Variants in ATP10A observed in about 807,000 individuals in gnomAD.
ATP10A encodes ATPase phospholipid transporting 10A (putative).
A neutral mutation model predicts 147.8 loss-of-function variants in ATP10A; 111 were observed. That is an observed-to-expected ratio of 0.75 (90% confidence interval 0.64 to 0.88). ATP10A has a LOEUF of 0.88. ATP10A is among the 40% of genes least tolerant of loss of function. The probability of loss-of-function intolerance (pLI) is 0.00; values close to 1 mark genes in which losing one functional copy is unlikely to be tolerated. For missense variants in ATP10A, 1,927 were observed against 1,959.0 expected (o/e 0.98, Z 0.31); for synonymous variants, 875 against 841.6 (o/e 1.04, Z -0.69).
chr15:25,709,686 AGGGAGCACCTGGCCCT>A, intron 10 of ATP10A: 1 of 152,456 alleles, frequency 6.6e-6, no homozygotes, highest in South Asian at 2.1e-4. Flanking sequence ...GCCTAGTGAC[AGGGAGCACCTGGCCCT>A]GCCAGGCAGA....
chr15:25,753,477 T>C (rs568629206), intron 2 of ATP10A, among the ~76,000 whole-genome samples: 4 of 152,098 alleles, frequency 2.6e-5, no homozygotes, highest in Non-Finnish European at 5.9e-5. Context: ...GTTTTCTTTA[T>C]TCATTCATCT....
intron 3 of ATP10A, among the ~76,000 whole-genome samples, chr15:25,729,459 C>T (rs139820834): frequency 2.6e-4 from 39 of 152,332 alleles, no homozygotes; most frequent in African/African-American, 8.9e-4. Context: ...CTGCTGGAGC[C>T]GGCAACACAC....
intron 3 of ATP10A, among the ~76,000 whole-genome samples, chr15:25,731,330 A>C (rs1398738166): frequency 6.6e-6 from 1 of 152,246 alleles, no homozygotes; most frequent in African/African-American, 2.4e-5. Flanking sequence ...AAGACATAAC[A>C]ATTATAAATA....
At position 25,732,002 on chromosome 15, in the gene ATP10A, T is replaced by C. The variant is rs114276148; in HGVS notation, c.740+4054A>G. ...TCCTGAGTTTCTGTGACTACAGGTG[T>C]GCACCACCACACCCACACCAGGCTA... On this transcript the variant is annotated intron_variant, in intron 3 of 20. Transcript: ENST00000555815. 8.0e-3 allele frequency among the ~76,000 whole-genome samples: 1,212 copies of C among 152,144 alleles called. 16 individuals are homozygous for C. Among genetic ancestry groups the C allele is most frequent in the African/African-American group, 0.028 (1,151 of 41,486 alleles).
chr15:25,843,553 A>G (rs1892900925), intron 1 of ATP10A, among the ~76,000 whole-genome samples: 1 of 152,150 alleles, frequency 6.6e-6, no homozygotes, highest in Admixed American at 6.5e-5. Flanking sequence ...CCCGCATCAC[A>G]GCAAAAGCAG....
downstream of ATP10A, among the ~76,000 whole-genome samples, chr15:25,675,856 G>A (rs1338781423): frequency 2.0e-5 from 3 of 152,124 alleles, no homozygotes; most frequent in Non-Finnish European, 4.4e-5. Context: ...TAAGGCAGGA[G>A]GACCCTGTGG....
intron 2 of ATP10A, among the ~76,000 whole-genome samples, chr15:25,763,785 T>C (rs1354755269): frequency 1.3e-5 from 2 of 152,154 alleles, no homozygotes; most frequent in Admixed American, 6.5e-5. Context: ...GATCAATCAA[T>C]AAGCAATGGA....
At chr15:25,857,348 G>A (rs1183048672) in intron 1 of ATP10A, among the ~76,000 whole-genome samples, 1 of 152,186 alleles carries the variant, frequency 6.6e-6, no homozygotes, top group African/African-American at 2.4e-5. Context: ...TCAGGAGGCT[G>A]AGGCAGGAGG....
At chr15:25,676,239 G>C (rs1899133868), downstream of ATP10A, among the ~76,000 whole-genome samples, 1 of 152,216 alleles carries the variant, frequency 6.6e-6, no homozygotes, top group South Asian at 2.1e-4. Flanking sequence ...CAGATACGAT[G>C]AGGGCAGGTG....
intron 1 of ATP10A, among the ~76,000 whole-genome samples, chr15:25,802,628 GGT>G (rs901733141): frequency 1.3e-5 from 2 of 152,224 alleles, no homozygotes; most frequent in Non-Finnish European, 2.9e-5. Context: ...TGCCTCTCCT[GGT>G]TTCTGCAGGC....
rs1480188709 is a variant in ATP10A at position 25,756,678 on chromosome 15, T to A, written c.655-20537A>T. On this transcript the variant is annotated intron_variant, in intron 2 of 20. Transcript: ENST00000555815. ...AAAGAAAGAAAGAAAGAAAGAAAAG[T>A]GAGTGCTTAAATCAAACATTCTATC... Among the ~76,000 whole-genome samples the A allele has an allele frequency of 4.0e-5, 6 of 151,698 alleles. No homozygotes were observed. The South Asian group carries it at 1.0e-3, about 26-fold the overall frequency.
chr15:25,749,947 G>T (rs950621402), intron 2 of ATP10A, among the ~76,000 whole-genome samples: 2 of 151,970 alleles, frequency 1.3e-5, no homozygotes, highest in African/African-American at 4.8e-5. Flanking sequence ...AGAGAAAAAA[G>T]AATCAAAAGA....
At chr15:25,785,866 G>A (rs2140725305) in intron 1 of ATP10A, among the ~76,000 whole-genome samples, 1 of 152,338 alleles carries the variant, frequency 6.6e-6, no homozygotes, top group African/African-American at 2.4e-5. Flanking sequence ...CTCGCCCAGG[G>A]GCAGGGTCTG....
At chr15:25,689,942 AC>A (rs1423661218) in intron 15 of ATP10A, among the ~76,000 whole-genome samples, 1 of 152,258 alleles carries the variant, frequency 6.6e-6, no homozygotes, top group Non-Finnish European at 1.5e-5. Context: ...GTCAATAGGC[AC>A]TGCCCCCATC....
Position 25,781,149 on chromosome 15 carries a change from T to C in ATP10A, c.524A>G (p.Glu175Gly). 2.5e-6 allele frequency: 4 copies of C among 1,614,194 alleles called. No individual in the cohort carries two copies. Among genetic ancestry groups the C allele is most frequent in the Non-Finnish European group, 3.4e-6 (4 of 1,180,032 alleles). The change falls in exon 2 of 21, where the codon GAA (glutamate) becomes GGA (glycine). Residue 175 changes from glutamate (E) to glycine (G), a missense_variant. Transcript: ENST00000555815. ...VGDFVRLRCNEIFPADILLLS... is the reference protein window; with the variant it reads ...VGDFVRLRCNGIFPADILLLS... ...CAGCAGAATGTCCGCAGGGAAGATT[T>C]CGTTGCAGCGAAGACGCACAAAGTC...
chr15:25,747,287 CAAAAA>C (rs34660034), intron 2 of ATP10A, among the ~76,000 whole-genome samples: 1 of 113,228 alleles, frequency 8.8e-6, no homozygotes, highest in Non-Finnish European at 1.9e-5. Context: ...AACTCCATCT[CAAAAA>C]AAAAAAAAAA....
At chr15:25,783,783 A>C (rs1890039091) in intron 1 of ATP10A, among the ~76,000 whole-genome samples, 1 of 152,174 alleles carries the variant, frequency 6.6e-6, no homozygotes, top group South Asian at 2.1e-4. Context: ...TCCTGAGCTT[A>C]CCCAAGCATT....
chr15:25,692,003 G>T (rs4906746), intron 14 of ATP10A, among the ~76,000 whole-genome samples: 29,529 of 152,088 alleles, frequency 0.19, 3,592 homozygotes, highest in Non-Finnish European at 0.27. Context: ...GTTTCGGAAA[G>T]CGGGCTGGAG....
intron 1 of ATP10A, among the ~76,000 whole-genome samples, chr15:25,798,323 C>T (rs966522431): frequency 1.1e-4 from 17 of 152,302 alleles, no homozygotes; most frequent in South Asian, 2.1e-4. Flanking sequence ...ACAGGCCGCA[C>T]CTTCCCCAAG....
Sources: gnomAD v4.1 joint callset for allele counts (sites outside exome capture counted in the v4.1 genomes callset) on GRCh38, gnomAD v4.1.1 for gene constraint, MANE v1.5 for transcripts, NCBI Gene and HGNC (gene_info 2026-07-23, HGNC 2026-07-21) for gene names.